Variants in SLC15A4 observed in about 807,000 individuals in gnomAD.
The protein encoded by SLC15A4 is solute carrier family 15 member 4.
In SLC15A4, 26 loss-of-function variants were observed where a neutral mutation model predicts 46.1. That is an observed-to-expected ratio of 0.56 (90% CI 0.41 to 0.78). The LOEUF (loss-of-function observed/expected upper bound fraction) is 0.78. SLC15A4 is among the 30% of genes least tolerant of loss of function. The probability of loss-of-function intolerance (pLI) is 0.00; values close to 1 mark genes in which losing one functional copy is unlikely to be tolerated. For missense variants in SLC15A4, 751 were observed against 755.7 expected (o/e 0.99, Z 0.07); for synonymous variants, 370 against 333.4 (o/e 1.11, Z -1.20).
At chr12:128,805,882 A>G (rs953296200) in intron 5 of SLC15A4, among the ~76,000 whole-genome samples, 3 of 152,128 alleles carry the variant, frequency 2.0e-5, no homozygotes, top group African/African-American at 7.2e-5. Context: ...ACGTAACAAC[A>G]CAAAAAAAGA....
chr12:128,810,850 C>T (rs1216191216), intron 2 of SLC15A4, among the ~76,000 whole-genome samples: 2 of 152,146 alleles, frequency 1.3e-5, no homozygotes, highest in African/African-American at 2.4e-5. Context: ...AGGAAGATGC[C>T]GGGGCACAGA....
At position 128,809,769 on chromosome 12, in the gene SLC15A4, A is replaced by G. The variant is rs1022420659; in HGVS notation, c.1011+174T>C. The stretch of plus-strand genomic sequence containing the variant: ...CTTCTTTTTCAGAGAGGCTTTAGAC[A>G]TAGTTAAAGCAGCCAAAATGACTCC... On this transcript the variant is annotated intron_variant, in intron 3 of 7. Coordinates refer to ENST00000266771, the MANE Select transcript of SLC15A4 (RefSeq NM_145648.4). 5.0e-6 allele frequency: 3 copies of G among 605,860 alleles called. No homozygotes were observed. The African/African-American group carries it at 5.6e-5, about 11-fold the overall frequency. 37.5% of individuals were successfully genotyped at this position (605,860 alleles called of 1,614,324 possible).
chr12:128,805,263 C>T (rs1325118001), intron 5 of SLC15A4, among the ~76,000 whole-genome samples: 3 of 152,092 alleles, frequency 2.0e-5, no homozygotes, highest in African/African-American at 7.2e-5. Flanking sequence ...TAGTGGCAGT[C>T]CCATTAAAAT....
intron 1 of SLC15A4, among the ~76,000 whole-genome samples, chr12:128,818,563 A>C (rs1479974995): frequency 6.6e-6 from 1 of 152,172 alleles, no homozygotes; most frequent in Non-Finnish European, 1.5e-5. Context: ...GGGACCTGCC[A>C]CCTGGTCACG....
At position 128,794,053 on chromosome 12, in the gene SLC15A4, G is replaced by C; in HGVS notation, c.*143C>G. ...CTTACCAAGCTCCTTTGGATAGAGG[G>C]AAAGAAGAAATCAATCCAGGCAACA... is the stretch of plus-strand genomic sequence containing the variant. On this transcript the variant is annotated 3_prime_UTR_variant, in exon 8 of 8. Transcript: ENST00000266771. The C allele has an allele frequency of 1.2e-6, 1 of 849,434 alleles. No individual in the cohort carries two copies. The highest frequency in any genetic ancestry group is 2.6e-5 in the East Asian group (1 of 38,542). The allele number at this position is 849,434 out of a possible 1,614,324, so 52.6% of individuals were successfully genotyped here.
intron 5 of SLC15A4, among the ~76,000 whole-genome samples, chr12:128,802,163 C>A (rs1955525635): frequency 6.6e-6 from 1 of 152,164 alleles, no homozygotes; most frequent in African/African-American, 2.4e-5. Flanking sequence ...AACGCAGACC[C>A]AGGCAAGGAC....
intron 7 of SLC15A4, among the ~76,000 whole-genome samples, chr12:128,795,932 G>A (rs930506618): frequency 2.0e-5 from 3 of 152,354 alleles, no homozygotes; most frequent in African/African-American, 4.8e-5. Context: ...GCAACATCAC[G>A]AGGGGAGCGA....
chr12:128,796,914 G>C (rs1293193257), intron 7 of SLC15A4, among the ~76,000 whole-genome samples: 1 of 152,238 alleles, frequency 6.6e-6, no homozygotes, highest in Non-Finnish European at 1.5e-5. Flanking sequence ...CCCTGCGGGA[G>C]TGGAGGTGCG....
chr12:128,801,104 G>T, intron 5 of SLC15A4, 95 bp from the exon 6 acceptor site: 1 of 1,199,614 alleles, frequency 8.3e-7, no homozygotes, highest in Non-Finnish European at 1.2e-6. Context: ...CGTAGCAAAC[G>T]TGATTCTGAT....
In SLC15A4 at chr12:128,796,359, T is replaced by C. The variant is rs146907566; in HGVS notation, c.1574-2003A>G. On this transcript the variant is annotated intron_variant, in intron 7 of 7. Coordinates refer to ENST00000266771, the MANE Select transcript of SLC15A4 (RefSeq NM_145648.4). ...AGAATTGTCACTTGAACCCGGGAGG[T>C]GAAAGGCTGCAGTGAGCCAAGATGG... 4.4e-3 allele frequency among the ~76,000 whole-genome samples: 573 copies of C among 129,858 alleles called. 1 individual carries two copies. Among genetic ancestry groups the C allele is most frequent in the Non-Finnish European group, 6.9e-3 (453 of 65,214 alleles). The allele number at this position is 129,858 out of a possible 152,430, so 85.2% of individuals were successfully genotyped here.
At position 128,823,464 on chromosome 12, in the gene SLC15A4, C is replaced by A. The variant is rs1196083607; in HGVS notation, c.480G>T (p.Gly160=). The change falls in exon 1 of 8, where the codon GGG becomes GGT. Residue 160 remains glycine (G), a synonymous_variant. Coordinates refer to ENST00000266771, the MANE Select transcript of SLC15A4 (RefSeq NM_145648.4). ...ARCCSPATFA[G]LVLVGLGVAT... ...CCACGCCCAGGCCCACCAGCACCAGCCCCGCGAAGGTGGCCGGTGAGCAGC... is the reference window on the plus strand; with the variant it reads ...CCACGCCCAGGCCCACCAGCACCAGACCCGCGAAGGTGGCCGGTGAGCAGC... 1.4e-6 allele frequency: 2 copies of A among 1,480,946 alleles called. No individual in the cohort carries two copies. Among genetic ancestry groups the A allele is most frequent in the African/African-American group, 1.5e-5 (1 of 68,248 alleles). The allele number at this position is 1,480,946 out of a possible 1,614,324, so 91.7% of individuals were successfully genotyped here.
intron 1 of SLC15A4, 74 bp from the exon 2 acceptor site, chr12:128,815,144 T>C: frequency 1.4e-6 from 2 of 1,391,310 alleles, no homozygotes; most frequent in Non-Finnish European, 2.0e-6. Context: ...TACGGTCAAG[T>C]GGTTAAAATT....
Position 128,793,867 on chromosome 12 carries a change from G to C in SLC15A4, c.*329C>G, listed in dbSNP as rs76392376. ...AAACTGGGATGCCAACTAACACGTG[G>C]AGTTCCCCAAGACTTTGCAATCTCC... On this transcript the variant is annotated 3_prime_UTR_variant, in exon 8 of 8. Coordinates refer to ENST00000266771, the MANE Select transcript of SLC15A4 (RefSeq NM_145648.4). 0.028 allele frequency: 5,794 copies of C among 206,098 alleles called. 307 individuals are homozygous for C. Among genetic ancestry groups the C allele is most frequent in the African/African-American group, 0.12 (5,371 of 43,554 alleles). The allele number at this position is 206,098 out of a possible 1,614,324, so 12.8% of individuals were successfully genotyped here.
chr12:128,796,830 GA>G (rs1324085231), intron 7 of SLC15A4, among the ~76,000 whole-genome samples: 1 of 152,196 alleles, frequency 6.6e-6, no homozygotes, highest in African/African-American at 2.4e-5. Context: ...ACCAGTCACT[GA>G]AAACTTCCCG....
In SLC15A4 at chr12:128,804,742, A is replaced by C. The variant is rs1057319055; in HGVS notation, c.1259-3733T>G. On this transcript the variant is annotated intron_variant, in intron 5 of 7. Coordinates refer to ENST00000266771, the MANE Select transcript of SLC15A4 (RefSeq NM_145648.4). ...GGAGACCCTGTCTTGAAAATGAAAA[A>C]GTTATCAAATTTCTTCTCAGAGAGG... Among the ~76,000 whole-genome samples, 7 of 152,324 alleles carry C rather than the reference A, an allele frequency of 4.6e-5. No homozygotes were observed. The East Asian group carries it at 1.2e-3, about 25-fold the overall frequency.
In SLC15A4 at chr12:128,823,684, A is replaced by G; in HGVS notation, c.260T>C (p.Leu87Pro). 6.6e-7 allele frequency: 1 copy of G among 1,510,320 alleles called. No homozygotes were observed. The highest frequency in any genetic ancestry group is 8.8e-7 in the Non-Finnish European group (1 of 1,136,342). 93.6% of individuals were successfully genotyped at this position (1,510,320 alleles called of 1,614,324 possible). The change falls in exon 1 of 8, where the codon CTG becomes CCG. Residue 87 changes from leucine to proline, a missense_variant. By Grantham distance (98) the Leu-to-Pro change is moderately conservative. Transcript: ENST00000266771. ...ALLLFMGLTYLGSPFGGWLAD... is the reference protein window; with the variant it reads ...ALLLFMGLTYPGSPFGGWLAD... The stretch of plus-strand genomic sequence containing the variant: ...CAGCCAGCCTCCGAACGGCGAGCCC[A>G]GGTAGGTGAGGCCCATGAAGAGCAG...
intron 5 of SLC15A4, among the ~76,000 whole-genome samples, chr12:128,803,435 C>G (rs1955541126): frequency 6.6e-6 from 1 of 152,162 alleles, no homozygotes; most frequent in African/African-American, 2.4e-5. Context: ...TTATTATTCA[C>G]AGTAAGCTGG....
At chr12:128,810,805 G>A (rs1433143947) in intron 2 of SLC15A4, among the ~76,000 whole-genome samples, 1 of 152,164 alleles carries the variant, frequency 6.6e-6, no homozygotes, top group African/African-American at 2.4e-5. Context: ...CATTAACCAT[G>A]TGGTGTTAAA....
At chr12:128,801,320 T>C (rs1216098125) in intron 5 of SLC15A4, 3 of 215,674 alleles carry the variant, frequency 1.4e-5, no homozygotes, top group Non-Finnish European at 2.8e-5. Flanking sequence ...CTCGTTTGTC[T>C]CTTACAAAGG....
Sources: gnomAD v4.1 joint callset for allele counts (sites outside exome capture counted in the v4.1 genomes callset) on GRCh38, gnomAD v4.1.1 for gene constraint, MANE v1.5 for transcripts, NCBI Gene and HGNC (gene_info 2026-07-23, HGNC 2026-07-21) for gene names.